The following ARHGAP8 variants were observed in gnomAD, a reference collection of about 807,000 sequenced individuals.
The protein encoded by ARHGAP8 is rho GTPase-activating protein 8.
A neutral mutation model predicts 46.1 loss-of-function variants in ARHGAP8; 62 were observed. That is an observed-to-expected ratio of 1.34 (90% CI 1.10 to 1.66). ARHGAP8 has a LOEUF of 1.66. Among genes scored for constraint, ARHGAP8 ranks in the 40% most tolerant of loss-of-function variants. The pLI is 0.00. For missense variants in ARHGAP8, 923 were observed against 568.4 expected, an observed-to-expected ratio of 1.62 and a Z score of -6.34; for synonymous variants, 375 against 243.1, an observed-to-expected ratio of 1.54 and a Z score of -5.05.
chr22:44,860,985 C>T (rs903410081), intron 11 of ARHGAP8, among the ~76,000 whole-genome samples: 2 of 128,244 alleles, frequency 1.6e-5, no homozygotes, highest in Non-Finnish European at 3.5e-5. Flanking sequence ...CTCAGAGGCC[C>T]AAAACTAAAC....
chr22:44,861,509 A>T (rs1006447513), intron 11 of ARHGAP8, among the ~76,000 whole-genome samples: 2 of 151,704 alleles, frequency 1.3e-5, no homozygotes, highest in African/African-American at 2.4e-5. Context: ...TCACCTGAGC[A>T]TCCTCAACAG....
chr22:44,806,589 T>C (rs1928936233), intron 3 of ARHGAP8, among the ~76,000 whole-genome samples: 1 of 152,012 alleles, frequency 6.6e-6, no homozygotes, highest in South Asian at 2.1e-4. Flanking sequence ...ATTGGGAGAA[T>C]TAAACGTGTA....
chr22:44,761,273 C>T (rs545625632), intron 1 of ARHGAP8, among the ~76,000 whole-genome samples: 12 of 152,278 alleles, frequency 7.9e-5, no homozygotes, highest in Middle Eastern at 3.4e-3. Context: ...CCTCTGTAAC[C>T]GTGGACTCTG....
At chr22:44,801,361 T>C (rs766223800) in intron 2 of ARHGAP8, among the ~76,000 whole-genome samples, 23 of 42,326 alleles carry the variant, frequency 5.4e-4, no homozygotes, top group East Asian at 9.0e-4. Flanking sequence ...CGCAGCTGTC[T>C]ATGTGTGGGG....
At chr22:44,854,892 C>T (rs560937278) in intron 10 of ARHGAP8, among the ~76,000 whole-genome samples, 8 of 152,298 alleles carry the variant, frequency 5.3e-5, no homozygotes, top group East Asian at 1.9e-4. Context: ...GTGATCTGCC[C>T]GCCTTGGCCT....
At chr22:44,818,046 A>G (rs1929873939) in intron 5 of ARHGAP8, among the ~76,000 whole-genome samples, 1 of 152,180 alleles carries the variant, frequency 6.6e-6, no homozygotes, top group Admixed American at 6.5e-5. Flanking sequence ...TTCGAGAGGC[A>G]GAGACTGAAG....
intron 1 of ARHGAP8, among the ~76,000 whole-genome samples, chr22:44,785,814 T>C (rs914387825): frequency 5.3e-5 from 8 of 152,168 alleles, no homozygotes; most frequent in Non-Finnish European, 1.0e-4. Context: ...CTTCCTCATA[T>C]GGCAGTGACC....
In ARHGAP8 at chr22:44,862,748, GT is replaced by G; in HGVS notation, c.*154del. 1.1e-6 allele frequency: 1 copy of G among 939,546 alleles called. No homozygotes were observed. The highest frequency in any genetic ancestry group is 1.5e-6 in the Non-Finnish European group (1 of 661,050). The allele number at this position is 939,546 out of a possible 1,614,324, so 58.2% of individuals were successfully genotyped here. ...CCATGCCTCTGGTCCTTGGACTCTT[GT>G]CCATGGTTCCTGAGCTGTGGACCGG... On this transcript the variant is annotated 3_prime_UTR_variant, in exon 12 of 12. Transcript: ENST00000356099.
chr22:44,850,554 G>C (rs1387026233), intron 10 of ARHGAP8: 2 of 152,168 alleles, frequency 1.3e-5, no homozygotes, highest in Admixed American at 6.5e-5. Flanking sequence ...GCCTCTGTAG[G>C]TTCCTGCTTG....
chr22:44,769,079 C>G (rs962158236), intron 1 of ARHGAP8, among the ~76,000 whole-genome samples: 2 of 152,178 alleles, frequency 1.3e-5, no homozygotes, highest in African/African-American at 4.8e-5. Flanking sequence ...AGGTGATCCG[C>G]CTGCCTTGGC....
chr22:44,788,168 G>A (rs2147051933), intron 2 of ARHGAP8, among the ~76,000 whole-genome samples: 1 of 151,098 alleles, frequency 6.6e-6, no homozygotes, highest in Admixed American at 6.6e-5. Context: ...ACCCAGACTG[G>A]AGTGCAATGG....
chr22:44,858,611 T>G (rs753940586), intron 10 of ARHGAP8, among the ~76,000 whole-genome samples: 2 of 144,744 alleles, frequency 1.4e-5, no homozygotes, highest in Non-Finnish European at 3.0e-5. Context: ...CCTCAAGTGA[T>G]GTGCCTGCCT....
chr22:44,839,016 A>C (rs925851925), intron 7 of ARHGAP8, among the ~76,000 whole-genome samples: 1 of 152,206 alleles, frequency 6.6e-6, no homozygotes, highest in African/African-American at 2.4e-5. Flanking sequence ...GTGGTGATCT[A>C]GCTCCTACGG....
In ARHGAP8 at chr22:44,847,109, G is replaced by A. The variant is rs778654001; in HGVS notation, c.671-864G>A. Among the ~76,000 whole-genome samples, 20 of 152,166 alleles carry A rather than the reference G, an allele frequency of 1.3e-4. 1 individual carries two copies. Among genetic ancestry groups the A allele is most frequent in the Admixed American group, 7.2e-4 (11 of 15,280 alleles). On this transcript the variant is annotated intron_variant, in intron 8 of 11. Transcript: ENST00000356099. ...AAGACTTGCACCTCCAGATGCCTGC[G>A]CCACAGTCCTAGGTCCTGGTGTTCC...
intron 11 of ARHGAP8, 91 bp from the exon 12 acceptor site, chr22:44,862,184 A>AC (rs1317496050): frequency 2.0e-6 from 3 of 1,475,884 alleles, no homozygotes; most frequent in Non-Finnish European, 9.1e-7. Flanking sequence ...CTCTCACTAC[A>AC]CCTACGCCTC....
intron 5 of ARHGAP8, among the ~76,000 whole-genome samples, chr22:44,819,580 C>T (rs367836506): frequency 2.0e-5 from 3 of 152,002 alleles, no homozygotes; most frequent in African/African-American, 4.8e-5. Flanking sequence ...GGGTGAGCTA[C>T]GAGAATCGCT....
rs1418025438 is a variant in ARHGAP8 at position 44,808,419 on chromosome 22, T to A, written c.280T>A (p.Tyr94Asn). 6.2e-7 allele frequency: 1 copy of A among 1,614,158 alleles called. No homozygotes were observed. The highest frequency in any genetic ancestry group is 8.5e-7 in the Non-Finnish European group (1 of 1,180,028). ...KPSLGWLQSA[Y>N]KEFDRKYKKN... ...TTCCCTGGGCTGGCTCCAGAGCGCA[T>A]ACAAGGAGTTCGATAGGAAGTACGT... is the stretch of plus-strand genomic sequence containing the variant. Residue 94 changes from tyrosine to asparagine, a missense_variant, in exon 4 of 12, where the codon TAC (tyrosine) becomes AAC (asparagine). Tyr to Asn is a moderately radical substitution (Grantham distance 143). Transcript: ENST00000356099.
intron 2 of ARHGAP8, among the ~76,000 whole-genome samples, chr22:44,797,892 C>T (rs191168564): frequency 1.7e-3 from 265 of 152,134 alleles, no homozygotes; most frequent in African/African-American, 6.0e-3. Context: ...ACTGCAGCCT[C>T]GAATTCCTGA....
chr22:44,862,600 G>A lies in ARHGAP8; in HGVS notation c.*5G>A, dbSNP rs372657234. ...GCAGCCAGAAGACGTCTCTAGTGTT[G>A]CGAACACTCTGTATATTTCGAGCTA... On this transcript the variant is annotated 3_prime_UTR_variant, in exon 12 of 12. Coordinates refer to ENST00000356099, the MANE Select transcript of ARHGAP8 (RefSeq NM_181335.3). The A allele has an allele frequency of 1.1e-4, 174 of 1,557,858 alleles. No individual in the cohort carries two copies. The highest frequency in any genetic ancestry group is 1.4e-4 in the Non-Finnish European group (163 of 1,149,060).
Sources: gnomAD v4.1 joint callset for allele counts (sites outside exome capture counted in the v4.1 genomes callset) on GRCh38, gnomAD v4.1.1 for gene constraint, MANE v1.5 for transcripts, NCBI Gene and HGNC (gene_info 2026-07-23, HGNC 2026-07-21) for gene names.